PTGES3L: variants seen among roughly 807,000 people sequenced by gnomAD.
PTGES3L encodes putative protein PTGES3L.
In PTGES3L, 17 loss-of-function variants were observed where a neutral mutation model predicts 25.0. The ratio of observed to expected loss-of-function variants is 0.68; its 90% CI spans 0.47 to 1.02. The LOEUF is 1.02. Ranked by LOEUF, PTGES3L falls within the 50% of genes least tolerant of loss-of-function variation. PTGES3L has a pLI of 0.00. For missense variants in PTGES3L, 202 were observed against 197.5 expected (o/e 1.02, Z -0.14); for synonymous variants, 59 against 65.7 (o/e 0.90, Z 0.50).
intron 4 of PTGES3L, chr17:42,972,004 A>G (rs1004942487): frequency 5.5e-5 from 15 of 273,436 alleles, no homozygotes; most frequent in African/African-American, 3.3e-4. Context: ...CCTGGCCAAT[A>G]TGGTGAAACC....
intron 4 of PTGES3L, among the ~76,000 whole-genome samples, chr17:42,978,077 C>CAAAAAAAAAAAAAA (rs368420097): frequency 4.2e-5 from 2 of 47,382 alleles, no homozygotes; most frequent in African/African-American, 2.1e-4. Context: ...AACTCCGAAT[C>CAAAAAAAAAAAAAA]AAAAAAAAAA....
In PTGES3L at chr17:42,979,268, C is replaced by T; in HGVS notation, c.190G>A (p.Asp64Asn). Residue 64 changes from aspartate to asparagine, a missense_variant and splice_region_variant, in exon 4 of 7, where the codon GAC becomes AAC. Physicochemically the swap from Asp to Asn is conservative, Grantham distance 23. Transcript: ENST00000591916. ...IEFYAKVNSK[D>N]SQDKRSSRSI... ...CGGGAAGAGCGCTTATCCTGGGAGT[C>T]CTGCCAGATAGAGAGCCTCATTCTT... 5.6e-6 allele frequency: 9 copies of T among 1,614,022 alleles called. No individual in the cohort carries two copies. The highest frequency in any genetic ancestry group is 6.8e-6 in the Non-Finnish European group (8 of 1,180,000).
At position 42,973,460 on chromosome 17, in the gene PTGES3L, C is replaced by T. The variant is rs866531878; in HGVS notation, c.289-1764G>A. On this transcript the variant is annotated intron_variant, in intron 4 of 6. Transcript: ENST00000591916. ...CGCCCCTACTGGGAAGTGAGGAGCC[C>T]CTCTGCCTGGCCACCACCCCGTCTG... Among the ~76,000 whole-genome samples, 445 of 151,608 alleles carry T rather than the reference C, an allele frequency of 2.9e-3. 1 individual carries two copies. Among genetic ancestry groups the T allele is most frequent in the African/African-American group, 0.01 (427 of 41,400 alleles).
At chr17:42,971,745 A>T (rs1238907900) in intron 4 of PTGES3L, 49 bp from the exon 5 acceptor site, 1 of 1,603,264 alleles carries the variant, frequency 6.2e-7, no homozygotes. Context: ...CAGGAGCAGG[A>T]GTGTGTGGGA....
At chr17:42,979,995 G>A in intron 1 of PTGES3L, 51 bp downstream of exon 1, 1 of 1,519,616 alleles carries the variant, frequency 6.6e-7, no homozygotes, top group Non-Finnish European at 8.8e-7. Flanking sequence ...TTGGAGCAGG[G>A]AATCTCCAGG....
chr17:42,972,316 C>G (rs1192480319), intron 4 of PTGES3L, among the ~76,000 whole-genome samples: 4 of 147,898 alleles, frequency 2.7e-5, no homozygotes, highest in East Asian at 2.1e-4. Context: ...TCTCCCTCTC[C>G]CTCTCCCCCT....
At chr17:42,979,466 G>A (rs1448177331) in intron 2 of PTGES3L, 22 bp from the exon 3 acceptor site, 2 of 1,614,202 alleles carry the variant, frequency 1.2e-6, no homozygotes, top group South Asian at 1.1e-5. Flanking sequence ...ATGAAGCTGA[G>A]GAGATGCGGA....
rs374042386 is a variant in PTGES3L at position 42,980,063 on chromosome 17, C to A, written c.-10G>T. 1.0e-5 allele frequency: 16 copies of A among 1,551,050 alleles called. No individual in the cohort carries two copies. Among genetic ancestry groups the A allele is most frequent in the Non-Finnish European group, 1.4e-5 (16 of 1,146,824 alleles). ...ACACTCACCGTGCCATTGCGGCTCC[C>A]GCTCCAGGGTGGCATTTAGAGTTCC... On this transcript the variant is annotated 5_prime_UTR_variant, in exon 1 of 7. Coordinates refer to ENST00000591916, the MANE Select transcript of PTGES3L (RefSeq NM_001261430.2).
At chr17:42,969,282 A>G in intron 6 of PTGES3L, 96 bp from the exon 7 acceptor site, 1 of 743,912 alleles carries the variant, frequency 1.3e-6, no homozygotes, top group Non-Finnish European at 2.1e-6. Flanking sequence ...CCTGTTCTCC[A>G]AGTTTCTTTT....
rs776365054 is a variant in PTGES3L at position 42,979,432 on chromosome 17, G to A, written c.135C>T (p.Ala45=). 3.7e-6 allele frequency: 6 copies of A among 1,614,028 alleles called. No homozygotes were observed. In the South Asian group the frequency reaches 4.4e-5, roughly 12 times the overall value. The stretch of plus-strand genomic sequence containing the variant: ...TCTCATTGTACAACTCCACTCCATC[G>A]GCATTCTTGCAGCTGAGGAGACAAT... ...DHRIVFSCKN[A]DGVELYNEIE... The change falls in exon 3 of 7, where the codon GCC becomes GCT. Residue 45 remains alanine (A), a synonymous_variant. Transcript: ENST00000591916.
rs1310867172 is a variant in PTGES3L at position 42,971,544 on chromosome 17, ATG to A, written c.378+61_378+62del. 11 of 1,582,018 alleles carry A rather than the reference ATG, an allele frequency of 7.0e-6. No homozygotes were observed. In the East Asian group the frequency reaches 2.5e-4, roughly 35 times the overall value. On this transcript the variant is annotated intron_variant, in intron 5 of 6. Transcript: ENST00000591916. The stretch of plus-strand genomic sequence containing the variant: ...GCCCCAGTGACAATCCTCCAGAGAC[ATG>A]TGTGCAGAGAAACACAAAGAATGAT...
At chr17:42,973,701 C>G (rs890590763) in intron 4 of PTGES3L, among the ~76,000 whole-genome samples, 2 of 148,380 alleles carry the variant, frequency 1.3e-5, no homozygotes, top group Non-Finnish European at 3.0e-5. Flanking sequence ...TACCCCCAAC[C>G]CTGTGCTCTC....
Position 42,979,041 on chromosome 17 carries a change from C to T in PTGES3L, c.288+129G>A, listed in dbSNP as rs543171434. 6.5e-6 allele frequency: 6 copies of T among 925,458 alleles called. No homozygotes were observed. In the East Asian group the frequency reaches 9.6e-5, roughly 15 times the overall value. 57.3% of individuals were successfully genotyped at this position (925,458 alleles called of 1,614,324 possible). ...ATAAAAATAAAAAGAGAGACTAATA[C>T]AGTTGGAAAAAAAAGATTAGGCAGG... On this transcript the variant is annotated intron_variant, in intron 4 of 6. Transcript: ENST00000591916.
At chr17:42,978,721 C>A (rs1463385821) in intron 4 of PTGES3L, among the ~76,000 whole-genome samples, 1 of 152,008 alleles carries the variant, frequency 6.6e-6, no homozygotes, top group Non-Finnish European at 1.5e-5. Context: ...AAAAAATAAG[C>A]CAGGCGCGGT....
intron 5 of PTGES3L, among the ~76,000 whole-genome samples, chr17:42,970,676 G>GCGCGCACACACA (rs1490786473): frequency 4.0e-4 from 57 of 144,190 alleles, no homozygotes; most frequent in African/African-American, 1.3e-3. Flanking sequence ...CTTAACACGC[G>GCGCGCACACACA]CACACACACA....
chr17:42,973,270 C>A (rs1247717224), intron 4 of PTGES3L, among the ~76,000 whole-genome samples: 1 of 136,014 alleles, frequency 7.4e-6, no homozygotes, highest in Admixed American at 7.2e-5. Flanking sequence ...CCCGGCCAGC[C>A]GCCCCGTCCG....
Position 42,979,223 on chromosome 17 carries a change from T to C in PTGES3L, c.235A>G (p.Arg79Gly), listed in dbSNP as rs762794209. 2.5e-6 allele frequency: 4 copies of C among 1,614,010 alleles called. No homozygotes were observed. The South Asian group carries it at 4.4e-5, about 18-fold the overall frequency. The change falls in exon 4 of 7, where the codon AGA becomes GGA. Residue 79 changes from arginine (R) to glycine (G), a missense_variant. Arg to Gly is a moderately radical substitution (Grantham distance 125). Transcript: ENST00000591916. The part of the protein sequence containing the change: ...RSSRSITCFV[R>G]KWKEKVAWPR... ...CAGGCCACCTTTTCCTTCCATTTTC[T>C]CACAAAACAAGTAATAGAGCGGGAA...
At chr17:42,975,746 G>T (rs887763399) in intron 4 of PTGES3L, among the ~76,000 whole-genome samples, 6 of 152,112 alleles carry the variant, frequency 3.9e-5, no homozygotes, top group Admixed American at 1.3e-4. Context: ...GGGTGATCTC[G>T]GCTGACTGCA....
intron 2 of PTGES3L, 50 bp downstream of exon 2, chr17:42,979,500 A>T (rs747998760): frequency 6.2e-7 from 1 of 1,614,168 alleles, no homozygotes; most frequent in Admixed American, 1.7e-5. Flanking sequence ...GGACATTAGG[A>T]AAGGGGTAGA....
Sources: gnomAD v4.1 joint callset for allele counts (sites outside exome capture counted in the v4.1 genomes callset) on GRCh38, gnomAD v4.1.1 for gene constraint, MANE v1.5 for transcripts, NCBI Gene and HGNC (gene_info 2026-07-23, HGNC 2026-07-21) for gene names.